The following GPM6A variants were observed in gnomAD, a reference collection of about 807,000 sequenced individuals.
GPM6A encodes glycoprotein M6A.
A neutral mutation model predicts 32.1 loss-of-function variants in GPM6A; 7 were observed. The observed-to-expected ratio is 0.22, with a 90% CI of 0.12 to 0.41. The LOEUF (loss-of-function observed/expected upper bound fraction) is 0.41. Ranked by LOEUF, GPM6A falls within the 10% of genes least tolerant of loss-of-function variation. The probability of loss-of-function intolerance (pLI) is 1.00; values close to 1 mark genes in which losing one functional copy is unlikely to be tolerated. For synonymous variants in GPM6A, 130 were observed against 123.4 expected, an observed-to-expected ratio of 1.05 and a Z score of -0.35; for missense variants, 235 against 347.2, an observed-to-expected ratio of 0.68 and a Z score of 2.57.
At chr4:175,897,799 C>T (rs924064165) in intron 1 of GPM6A, among the ~76,000 whole-genome samples, 1 of 152,114 alleles carries the variant, frequency 6.6e-6, no homozygotes, top group Non-Finnish European at 1.5e-5. Flanking sequence ...AATTGAGCTA[C>T]TTTGGTTAAA....
At position 175,933,174 on chromosome 4, in the gene GPM6A, C is replaced by CA. The variant is rs948956996; in HGVS notation, c.-23+69134dup. ...AAATGGGCAAAAGGATGGAATACTT[C>CA]AAAAAAAAACTCCATTAAAAATGGG... is the stretch of plus-strand genomic sequence containing the variant. On this transcript the variant is annotated intron_variant, in intron 1 of 7. Coordinates refer to the GPM6A transcript ENST00000280187. Among the ~76,000 whole-genome samples, 1,008 of 150,602 alleles carry CA rather than the reference C, an allele frequency of 6.7e-3. 6 individuals are homozygous for CA. Among genetic ancestry groups the CA allele is most frequent in the Non-Finnish European group, 0.011 (726 of 67,612 alleles).
intron 1 of GPM6A, among the ~76,000 whole-genome samples, chr4:175,742,229 T>C (rs1276117772): frequency 1.3e-5 from 2 of 152,146 alleles, no homozygotes; most frequent in Non-Finnish European, 2.9e-5. Context: ...CTAAGCTATA[T>C]CATCCAAAAT....
chr4:175,735,576 T>G (rs1288077428), intron 1 of GPM6A, among the ~76,000 whole-genome samples: 1 of 152,138 alleles, frequency 6.6e-6, no homozygotes, highest in East Asian at 1.9e-4. Context: ...TTTTTTTTTT[T>G]TGAGGCAGAG....
intron 3 of GPM6A, among the ~76,000 whole-genome samples, chr4:175,660,051 A>C (rs1204320296): frequency 2.0e-5 from 3 of 152,172 alleles, no homozygotes; most frequent in Non-Finnish European, 4.4e-5. Context: ...ATGATTCCTC[A>C]TTTGTTGGAA....
intron 1 of GPM6A, among the ~76,000 whole-genome samples, chr4:175,762,938 T>C (rs944234430): frequency 1.3e-5 from 2 of 152,116 alleles, no homozygotes; most frequent in South Asian, 4.1e-4. Flanking sequence ...GAATGACTGC[T>C]AATAGGTAGG....
intron 1 of GPM6A, among the ~76,000 whole-genome samples, chr4:175,831,715 C>CTCTTTT (rs1553993666): frequency 1.4e-5 from 1 of 69,936 alleles, no homozygotes; most frequent in African/African-American, 5.6e-5. Flanking sequence ...TTAGCCATCT[C>CTCTTTT]TTTTTTTTTT....
intron 3 of GPM6A, among the ~76,000 whole-genome samples, chr4:175,657,009 C>A (rs1459496086): frequency 6.6e-6 from 1 of 152,136 alleles, no homozygotes; most frequent in Non-Finnish European, 1.5e-5. Flanking sequence ...CTCTTTATAA[C>A]CAAAAATATT....
chr4:175,967,476 G>A (rs193122141), intron 1 of GPM6A, among the ~76,000 whole-genome samples: 385 of 152,222 alleles, frequency 2.5e-3, no homozygotes, highest in African/African-American at 8.8e-3. Context: ...TATTAGGAAG[G>A]AAGAAGTAAA....
chr4:175,818,373 T>G lies in GPM6A; in HGVS notation c.-22-6124A>C, dbSNP rs75999473. On this transcript the variant is annotated intron_variant, in intron 1 of 7. Transcript: ENST00000280187. The stretch of plus-strand genomic sequence containing the variant: ...CTTTTTCAAGAGCATAGGCCTCTTT[T>G]AGTATTCATATCACATGCCATTACA... Among the ~76,000 whole-genome samples, 110 of 152,362 alleles carry G rather than the reference T, an allele frequency of 7.2e-4. 2 individuals carry two copies. In the East Asian group the frequency reaches 0.018, roughly 25 times the overall value.
chr4:175,803,203 ATC>A (rs1734545018), intron 1 of GPM6A, among the ~76,000 whole-genome samples: 2 of 151,078 alleles, frequency 1.3e-5, no homozygotes, highest in Non-Finnish European at 2.9e-5. Flanking sequence ...CATCATCATC[ATC>A]AGCTATGAAT....
chr4:175,878,011 A>G (rs781473125), intron 1 of GPM6A, among the ~76,000 whole-genome samples: 2 of 152,326 alleles, frequency 1.3e-5, no homozygotes, highest in South Asian at 4.1e-4. Context: ...AGCAAGTCCA[A>G]AATCCAACAG....
chr4:175,841,081 C>T (rs1444216586), intron 1 of GPM6A, among the ~76,000 whole-genome samples: 2 of 152,084 alleles, frequency 1.3e-5, no homozygotes, highest in Non-Finnish European at 2.9e-5. Context: ...CAGATCCTAA[C>T]CTAATCTGTC....
chr4:175,692,159 A>G (rs1475868407), intron 2 of GPM6A, among the ~76,000 whole-genome samples: 4 of 152,142 alleles, frequency 2.6e-5, no homozygotes, highest in African/African-American at 9.7e-5. Flanking sequence ...TGCAGCAGCA[A>G]TGGTAAGCTA....
chr4:175,889,707 G>A (rs1737578930), intron 1 of GPM6A, among the ~76,000 whole-genome samples: 1 of 151,928 alleles, frequency 6.6e-6, no homozygotes, highest in South Asian at 2.1e-4. Flanking sequence ...CAGCTACTCG[G>A]GAGGCTGAGG....
At chr4:175,911,807 T>C (rs61517294) in intron 1 of GPM6A, among the ~76,000 whole-genome samples, 30,762 of 151,942 alleles carry the variant, frequency 0.2, 3,512 homozygotes, top group South Asian at 0.43. Context: ...AGGTGAGTGA[T>C]TGCAGGAAAT....
intron 1 of GPM6A, among the ~76,000 whole-genome samples, chr4:175,762,537 G>T (rs1364933466): frequency 2.0e-5 from 3 of 152,018 alleles, no homozygotes; most frequent in African/African-American, 7.3e-5. Context: ...AACTCTGACT[G>T]AAATCAATAA....
At chr4:175,709,287 C>T (rs1745392701) in intron 1 of GPM6A, among the ~76,000 whole-genome samples, 1 of 151,562 alleles carries the variant, frequency 6.6e-6, no homozygotes, top group South Asian at 2.1e-4. Flanking sequence ...CCTCTGCCCC[C>T]TTTCTCTCTC....
In GPM6A at chr4:175,711,648, C is replaced by G. The variant is rs72702646; in HGVS notation, c.38-9881G>C. ...AGACAGCCAAGTTAAAAGGGCTCCCCAGAGAATCCCCAGCTGTCTTGTGCA... is the reference window on the plus strand; with the variant it reads ...AGACAGCCAAGTTAAAAGGGCTCCCGAGAGAATCCCCAGCTGTCTTGTGCA... On this transcript the variant is annotated intron_variant, in intron 1 of 6. Transcript: ENST00000393658. Among the ~76,000 whole-genome samples, 784 of 147,178 alleles carry G rather than the reference C, an allele frequency of 5.3e-3. 6 individuals are homozygous for G. The highest frequency in any genetic ancestry group is 7.7e-3 in the Non-Finnish European group (521 of 67,398).
At chr4:175,685,299 G>T (rs1255144502) in intron 2 of GPM6A, among the ~76,000 whole-genome samples, 1 of 152,178 alleles carries the variant, frequency 6.6e-6, no homozygotes, top group African/African-American at 2.4e-5. Context: ...AATTTTGAGA[G>T]AATTAACATT....
Sources: gnomAD v4.1 joint callset for allele counts (sites outside exome capture counted in the v4.1 genomes callset) on GRCh38, gnomAD v4.1.1 for gene constraint, MANE v1.5 for transcripts, NCBI Gene and HGNC (gene_info 2026-07-23, HGNC 2026-07-21) for gene names.